The following USO1 variants were observed in gnomAD, a reference collection of about 807,000 sequenced individuals.
USO1 encodes the protein general vesicular transport factor p115.
USO1 carries 57 observed loss-of-function variants against 124.5 expected under a neutral mutation model. The observed-to-expected ratio is 0.46, with a 90% CI of 0.37 to 0.57. The LOEUF (loss-of-function observed/expected upper bound fraction) is 0.57. Among genes scored for constraint, USO1 ranks in the 20% least tolerant of loss-of-function variants. USO1 has a pLI of 0.00. For synonymous variants in USO1, 369 were observed against 362.8 expected, an observed-to-expected ratio of 1.02 and a Z score of -0.19; for missense variants, 900 against 1,040.6, an observed-to-expected ratio of 0.86 and a Z score of 1.86.
intron 1 of USO1, among the ~76,000 whole-genome samples, chr4:75,751,137 T>C (rs1289481210): frequency 1.3e-5 from 2 of 151,896 alleles, no homozygotes; most frequent in Non-Finnish European, 2.9e-5. Flanking sequence ...TTATTAATAA[T>C]GTTCCAAGAT....
intron 9 of USO1, among the ~76,000 whole-genome samples, chr4:75,786,284 C>G (rs1229145174): frequency 6.6e-6 from 1 of 152,110 alleles, no homozygotes; most frequent in Non-Finnish European, 1.5e-5. Flanking sequence ...TTGATTACTT[C>G]TGTGTATCTC....
chr4:75,784,776 G>A (rs1722312536), intron 9 of USO1, among the ~76,000 whole-genome samples: 1 of 150,604 alleles, frequency 6.6e-6, no homozygotes, highest in Non-Finnish European at 1.5e-5. Flanking sequence ...GGAACAGAGT[G>A]AGACTCTATC....
At chr4:75,745,273 A>G in intron 1 of USO1, 1 of 499,172 alleles carries the variant, frequency 2.0e-6, no homozygotes, top group Admixed American at 2.2e-5. Flanking sequence ...ACTTTCCCAA[A>G]TTGAGGCTTT....
At chr4:75,793,200 CT>C (rs1462960858) in intron 12 of USO1, among the ~76,000 whole-genome samples, 2 of 135,728 alleles carry the variant, frequency 1.5e-5, no homozygotes, top group African/African-American at 5.3e-5. Context: ...TCTTTTCTCT[CT>C]CTCCTTTTTT....
intron 1 of USO1, among the ~76,000 whole-genome samples, chr4:75,748,471 G>A (rs1421059405): frequency 1.3e-5 from 2 of 152,176 alleles, no homozygotes; most frequent in Non-Finnish European, 2.9e-5. Flanking sequence ...TTACAGGCAT[G>A]AGCCACCGCG....
At chr4:75,731,345 T>C (rs958990818) in intron 1 of USO1, among the ~76,000 whole-genome samples, 40 of 152,178 alleles carry the variant, frequency 2.6e-4, no homozygotes, top group Admixed American at 9.8e-4. Context: ...GTGGATCACC[T>C]GAGGTCAGGA....
chr4:75,748,755 GA>G (rs1241090996), intron 1 of USO1, among the ~76,000 whole-genome samples: 3 of 151,508 alleles, frequency 2.0e-5, no homozygotes, highest in Non-Finnish European at 4.4e-5. Context: ...AAAACGCCTG[GA>G]AAAAAAATTT....
intron 21 of USO1, among the ~76,000 whole-genome samples, chr4:75,810,137 A>T (rs774389393): frequency 1.3e-5 from 2 of 152,182 alleles, no homozygotes; most frequent in Non-Finnish European, 2.9e-5. Context: ...TGTTTATTAA[A>T]TGCTGGGTTA....
chr4:75,780,275 C>CT lies in USO1; in HGVS notation c.677-2396dup, dbSNP rs200056161. On this transcript the variant is annotated intron_variant, in intron 8 of 23. Transcript: ENST00000514213. Reference sequence around the variant, plus strand: ...TGTAAAAAGAGAATAATACTGTTTTCTTTTTTTTTGAGATGGAGTCTCGCA... The same window carrying CT: ...TGTAAAAAGAGAATAATACTGTTTTCTTTTTTTTTTGAGATGGAGTCTCGCA... 7.1e-3 allele frequency among the ~76,000 whole-genome samples: 1,080 copies of CT among 151,198 alleles called. 10 individuals are homozygous for CT. Among genetic ancestry groups the CT allele is most frequent in the African/African-American group, 0.024 (1,002 of 41,236 alleles).
chr4:75,735,537 T>C (rs1720765196), intron 1 of USO1, among the ~76,000 whole-genome samples: 1 of 152,190 alleles, frequency 6.6e-6, no homozygotes. Flanking sequence ...TTTCTTTTTT[T>C]GGAAACAGGG....
At chr4:75,770,335 ATTGT>A (rs2149167227) in intron 4 of USO1, 100 bp from the exon 5 acceptor site, 1 of 1,122,630 alleles carries the variant, frequency 8.9e-7, no homozygotes, top group Non-Finnish European at 1.2e-6. Flanking sequence ...CCAGTGTTGA[ATTGT>A]TTACCAGGAA....
chr4:75,756,958 C>CAT (rs10646536), intron 3 of USO1, among the ~76,000 whole-genome samples: 21,127 of 151,532 alleles, frequency 0.14, 2,547 homozygotes, highest in African/African-American at 0.32. Context: ...TATATGTATA[C>CAT]ATATATATAC....
intron 18 of USO1, 47 bp downstream of exon 18, chr4:75,804,319 T>C: frequency 6.3e-7 from 1 of 1,576,050 alleles, no homozygotes; most frequent in Non-Finnish European, 8.6e-7. Context: ...GGTCATTCTT[T>C]CCTCAAGAGC....
At chr4:75,760,418 T>A (rs556909756) in intron 4 of USO1, among the ~76,000 whole-genome samples, 29 of 152,334 alleles carry the variant, frequency 1.9e-4, no homozygotes, top group African/African-American at 5.8e-4. Context: ...GTATGCTAAA[T>A]CTCTTTTAGT....
At chr4:75,810,767 T>C (rs560101081) in intron 22 of USO1, among the ~76,000 whole-genome samples, 1 of 152,218 alleles carries the variant, frequency 6.6e-6, no homozygotes, top group Non-Finnish European at 1.5e-5. Context: ...AGTTTCGCTC[T>C]GTCACCAGAC....
At chr4:75,780,072 G>A (rs568639479) in intron 8 of USO1, among the ~76,000 whole-genome samples, 1 of 152,146 alleles carries the variant, frequency 6.6e-6, no homozygotes, top group Admixed American at 6.5e-5. Flanking sequence ...ACAAAGCCTG[G>A]AAGACAGCAC....
chr4:75,812,534 T>C (rs1018835438), intron 23 of USO1, among the ~76,000 whole-genome samples, 159 bp downstream of exon 23: 13 of 152,224 alleles, frequency 8.5e-5, no homozygotes, highest in African/African-American at 2.9e-4. Flanking sequence ...ACTGTTTTCA[T>C]TGAATTTACT....
intron 1 of USO1, among the ~76,000 whole-genome samples, chr4:75,749,247 T>C (rs184959731): frequency 6.6e-6 from 1 of 152,316 alleles, no homozygotes; most frequent in East Asian, 1.9e-4. Flanking sequence ...TCTATTAATA[T>C]CTTCTGGGAC....
At chr4:75,784,779 A>T (rs1356132719) in intron 9 of USO1, among the ~76,000 whole-genome samples, 1 of 151,292 alleles carries the variant, frequency 6.6e-6, no homozygotes, top group Non-Finnish European at 1.5e-5. Flanking sequence ...ACAGAGTGAG[A>T]CTCTATCTCA....
Sources: gnomAD v4.1 joint callset for allele counts (sites outside exome capture counted in the v4.1 genomes callset) on GRCh38, gnomAD v4.1.1 for gene constraint, MANE v1.5 for transcripts, NCBI Gene and HGNC (gene_info 2026-07-23, HGNC 2026-07-21) for gene names.